Variants in UCHL3 observed in about 807,000 individuals in gnomAD.
The protein encoded by UCHL3 is ubiquitin C-terminal hydrolase L3, also known as ubiquitin carboxyl-terminal hydrolase isozyme L3.
A neutral mutation model predicts 35.8 loss-of-function variants in UCHL3; 22 were observed. The ratio of observed to expected loss-of-function variants is 0.61; its 90% CI spans 0.44 to 0.88. UCHL3 has a LOEUF of 0.88. UCHL3 is among the 40% of genes least tolerant of loss of function. UCHL3 has a pLI of 0.00. For missense variants in UCHL3, 229 were observed against 276.9 expected (o/e 0.83, Z 1.23); for synonymous variants, 90 against 92.8 (o/e 0.97, Z 0.17).
At chr13:75,585,792 T>C (rs577387293) in intron 6 of UCHL3, among the ~76,000 whole-genome samples, 10 of 152,216 alleles carry the variant, frequency 6.6e-5, no homozygotes, top group African/African-American at 2.4e-4. Context: ...ATACTACATA[T>C]GTAGTGGTGT....
chr13:75,556,509 G>A (rs1359372669), intron 2 of UCHL3, among the ~76,000 whole-genome samples: 1 of 152,200 alleles, frequency 6.6e-6, no homozygotes, highest in Admixed American at 6.5e-5. Context: ...TTAAAGACCA[G>A]AGGAAGTGGC....
At chr13:75,594,621 A>G (rs1468836513) in intron 6 of UCHL3, among the ~76,000 whole-genome samples, 2 of 152,216 alleles carry the variant, frequency 1.3e-5, no homozygotes, top group Non-Finnish European at 2.9e-5. Flanking sequence ...ACTGTATACC[A>G]GGCATTGTGC....
At chr13:75,584,736 A>G (rs1001052232) in intron 6 of UCHL3, among the ~76,000 whole-genome samples, 4 of 152,206 alleles carry the variant, frequency 2.6e-5, no homozygotes, top group South Asian at 4.1e-4. Context: ...CACATGGGTA[A>G]TATCAGCAGA....
At chr13:75,564,798 C>T (rs756940543) in intron 3 of UCHL3, among the ~76,000 whole-genome samples, 10 of 152,110 alleles carry the variant, frequency 6.6e-5, no homozygotes, top group Non-Finnish European at 1.2e-4. Flanking sequence ...TGGGTTCAAG[C>T]GATTCTCATG....
At chr13:75,604,098 A>G (rs1425619257) in intron 7 of UCHL3, among the ~76,000 whole-genome samples, 1 of 152,130 alleles carries the variant, frequency 6.6e-6, no homozygotes, top group Non-Finnish European at 1.5e-5. Flanking sequence ...TGTTTTATGG[A>G]TTGAACTTAA....
rs139784344 is a variant in UCHL3, at chr13:75,595,121, A to G, written c.550+131A>G. The G allele has an allele frequency of 1.1e-3, 776 of 684,124 alleles. 8 individuals carry two copies. In the East Asian group the frequency reaches 0.019, roughly 17 times the overall value. 42.4% of individuals were successfully genotyped at this position (684,124 alleles called of 1,614,324 possible). A position where few individuals can be genotyped will look rare whatever the true frequency, so the allele number is the denominator to read the frequency against. ...TGGTTGCCTATAAAATTGATTTGAC[A>G]TAGCGACAGTTTTCCTTTTAAGACA... On this transcript the variant is annotated intron_variant, in intron 7 of 8. Coordinates refer to ENST00000377595, the MANE Select transcript of UCHL3 (RefSeq NM_006002.5).
rs768902862 is a variant in UCHL3 at position 75,604,809 on chromosome 13, T to C, written c.591T>C (p.Ser197=). 6 of 1,599,890 alleles carry C rather than the reference T, an allele frequency of 3.8e-6. No individual in the cohort carries two copies. The highest frequency in any genetic ancestry group is 5.1e-6 in the Non-Finnish European group (6 of 1,173,456). ...KPFPINHGET[S]DETLLEDAIE... is the part of the protein sequence containing the mutation. The stretch of plus-strand genomic sequence containing the variant: ...TTCCAATTAACCATGGTGAAACTAG[T>C]GATGAAACTTTATTAGAGGTAACAG... Residue 197 remains serine (S), a synonymous_variant, in exon 8 of 9, where the codon AGT becomes AGC. Coordinates refer to ENST00000377595, the MANE Select transcript of UCHL3 (RefSeq NM_006002.5).
At chr13:75,600,614 C>T (rs1306810729) in intron 7 of UCHL3, among the ~76,000 whole-genome samples, 5 of 152,184 alleles carry the variant, frequency 3.3e-5, no homozygotes, top group South Asian at 2.1e-4. Flanking sequence ...TCTGTTGAGA[C>T]GTACTGCTCA....
At chr13:75,591,075 A>T (rs1380391845) in intron 6 of UCHL3, among the ~76,000 whole-genome samples, 1 of 152,192 alleles carries the variant, frequency 6.6e-6, no homozygotes, top group East Asian at 1.9e-4. Flanking sequence ...ATAAATTATG[A>T]TGGCTTTTGA....
At chr13:75,591,247 A>C (rs1056916398) in intron 6 of UCHL3, among the ~76,000 whole-genome samples, 11 of 152,172 alleles carry the variant, frequency 7.2e-5, no homozygotes, top group African/African-American at 2.7e-4. Context: ...AAATATCAGT[A>C]TGGTCATCAA....
chr13:75,568,910 C>G (rs2031770359), intron 5 of UCHL3, among the ~76,000 whole-genome samples: 1 of 152,050 alleles, frequency 6.6e-6, no homozygotes, highest in Non-Finnish European at 1.5e-5. Context: ...GCCCATTTCT[C>G]TGGATGTTTG....
At chr13:75,574,607 A>G (rs1233071101) in intron 6 of UCHL3, among the ~76,000 whole-genome samples, 1 of 152,244 alleles carries the variant, frequency 6.6e-6, no homozygotes, top group Non-Finnish European at 1.5e-5. Flanking sequence ...ATTGTTGTGA[A>G]GACTAATGAG....
chr13:75,594,544 A>G (rs761438196), intron 6 of UCHL3, among the ~76,000 whole-genome samples: 7 of 151,534 alleles, frequency 4.6e-5, no homozygotes, highest in Non-Finnish European at 8.8e-5. Flanking sequence ...TCTTATTTCA[A>G]ATTTTAAAAA....
intron 6 of UCHL3, among the ~76,000 whole-genome samples, chr13:75,583,775 C>G (rs1158927941): frequency 6.6e-6 from 1 of 152,102 alleles, no homozygotes; most frequent in African/African-American, 2.4e-5. Flanking sequence ...TAGAGATATA[C>G]TTACTGAGAT....
chr13:75,582,928 T>C (rs369900073), intron 6 of UCHL3, among the ~76,000 whole-genome samples: 2 of 152,334 alleles, frequency 1.3e-5, no homozygotes, highest in African/African-American at 4.8e-5. Context: ...TGAAAGTCTT[T>C]TTCTGAATTA....
At chr13:75,595,521 C>A (rs1424645368) in intron 7 of UCHL3, among the ~76,000 whole-genome samples, 2 of 130,072 alleles carry the variant, frequency 1.5e-5, no homozygotes, top group African/African-American at 5.9e-5. Flanking sequence ...CGCTTGAACA[C>A]AGGAGGTGGA....
At chr13:75,559,273 C>T (rs551702126) in intron 2 of UCHL3, among the ~76,000 whole-genome samples, 4 of 150,180 alleles carry the variant, frequency 2.7e-5, no homozygotes, top group African/African-American at 9.8e-5. Flanking sequence ...ATCTCCTGAC[C>T]TCGTGATCCA....
intron 6 of UCHL3, among the ~76,000 whole-genome samples, chr13:75,576,805 T>A (rs1350917558): frequency 2.0e-5 from 3 of 152,186 alleles, no homozygotes; most frequent in African/African-American, 7.2e-5. Flanking sequence ...TGAAATACGG[T>A]TGAATGTTCT....
chr13:75,576,913 T>A (rs1324070113), intron 6 of UCHL3, among the ~76,000 whole-genome samples: 1 of 152,206 alleles, frequency 6.6e-6, no homozygotes, highest in Non-Finnish European at 1.5e-5. Flanking sequence ...TGGCCCGCTG[T>A]AATGGTGGGT....
Sources: gnomAD v4.1 joint callset for allele counts (sites outside exome capture counted in the v4.1 genomes callset) on GRCh38, gnomAD v4.1.1 for gene constraint, MANE v1.5 for transcripts, NCBI Gene and HGNC (gene_info 2026-07-23, HGNC 2026-07-21) for gene names.